SLC44A5: variants seen among roughly 807,000 people sequenced by gnomAD.
SLC44A5 encodes the protein solute carrier family 44 member 5, also known as choline transporter-like protein 5.
A neutral mutation model predicts 101.8 loss-of-function variants in SLC44A5; 57 were observed. That is an observed-to-expected ratio of 0.56 (90% CI 0.45 to 0.70). The LOEUF (loss-of-function observed/expected upper bound fraction) is 0.70, where lower values mean the gene tolerates loss of function less well. SLC44A5 is among the 30% of genes least tolerant of loss of function. The probability of loss-of-function intolerance (pLI) is 0.00; values close to 1 mark genes in which losing one functional copy is unlikely to be tolerated. For missense variants in SLC44A5, 737 were observed against 853.1 expected, an observed-to-expected ratio of 0.86 and a Z score of 1.70; for synonymous variants, 281 against 290.9, an observed-to-expected ratio of 0.97 and a Z score of 0.35.
At chr1:75,295,442 T>A (rs2100840275) in intron 5 of SLC44A5, among the ~76,000 whole-genome samples, 2 of 152,252 alleles carry the variant, frequency 1.3e-5, no homozygotes, top group South Asian at 4.1e-4. Context: ...CTCCCTGAGA[T>A]TTTAATTTAG....
intron 12 of SLC44A5, among the ~76,000 whole-genome samples, chr1:75,233,763 G>A (rs989905721): frequency 1.3e-5 from 2 of 152,118 alleles, no homozygotes; most frequent in African/African-American, 4.8e-5. Context: ...GTAGGGAAAA[G>A]AGTAAAATGT....
At chr1:75,407,321 G>C (rs1171152804) in intron 2 of SLC44A5, among the ~76,000 whole-genome samples, 3 of 152,162 alleles carry the variant, frequency 2.0e-5, no homozygotes, top group Non-Finnish European at 4.4e-5. Flanking sequence ...TCCCCATCAA[G>C]CTACCATTGA....
intron 1 of SLC44A5, among the ~76,000 whole-genome samples, chr1:75,599,324 A>G (rs889773413): frequency 6.6e-6 from 1 of 152,158 alleles, no homozygotes; most frequent in African/African-American, 2.4e-5. Flanking sequence ...TCAAGCATCA[A>G]TGTACAGGCT....
chr1:75,528,914 T>G (rs554842012), intron 2 of SLC44A5, among the ~76,000 whole-genome samples: 2 of 152,306 alleles, frequency 1.3e-5, no homozygotes. Flanking sequence ...TCATCTTTCA[T>G]GTAAATGCCT....
intron 5 of SLC44A5, among the ~76,000 whole-genome samples, chr1:75,295,463 A>T (rs1653892625): frequency 6.6e-6 from 1 of 152,234 alleles, no homozygotes; most frequent in African/African-American, 2.4e-5. Flanking sequence ...GATAGATCAG[A>T]TTGACTCTGA....
At chr1:75,265,596 A>C (rs915654530) in intron 6 of SLC44A5, among the ~76,000 whole-genome samples, 7 of 152,308 alleles carry the variant, frequency 4.6e-5, no homozygotes, top group Admixed American at 4.6e-4. Flanking sequence ...GAAATGATAA[A>C]TACTTAGGTG....
rs375438110 is a variant in SLC44A5, at chr1:75,219,249, G to T, written c.1266+8C>A. 75 of 1,577,984 alleles carry T rather than the reference G, an allele frequency of 4.8e-5. 1 individual carries two copies. In the African/African-American group the frequency reaches 9.6e-4, roughly 20 times the overall value. On this transcript the variant is annotated splice_region_variant and intron_variant, in intron 16 of 23. Transcript: ENST00000370859. ...AAGTAAGTAAATGAAAGAGTTTCTT[G>T]TACTTACCTCTGGGTCACAGGTTTG...
intron 4 of SLC44A5, among the ~76,000 whole-genome samples, chr1:75,325,604 G>GTACATTGT (rs1253441004): frequency 6.6e-6 from 1 of 152,060 alleles, no homozygotes. Flanking sequence ...TTTTTTTACA[G>GTACATTGT]TACATTGTTA....
At chr1:75,568,106 C>A (rs1012766045) in intron 1 of SLC44A5, among the ~76,000 whole-genome samples, 3 of 152,006 alleles carry the variant, frequency 2.0e-5, no homozygotes, top group African/African-American at 7.2e-5. Context: ...TACTTTTTTT[C>A]CATGCAAGAA....
At chr1:75,660,021 C>G in the SLC44A5 span, among the ~76,000 whole-genome samples, 1 of 151,990 alleles carries the variant, frequency 6.6e-6, no homozygotes, top group Admixed American at 6.6e-5. Flanking sequence ...CTGGGAAACA[C>G]GGTGAAGCCC....
chr1:75,353,767 A>G (rs1244683013), intron 3 of SLC44A5, among the ~76,000 whole-genome samples: 1 of 152,212 alleles, frequency 6.6e-6, no homozygotes, highest in Non-Finnish European at 1.5e-5. Context: ...GCAGAGAGAT[A>G]ATGATGACAA....
chr1:75,566,985 T>C (rs79124267), intron 1 of SLC44A5, among the ~76,000 whole-genome samples: 9,718 of 152,290 alleles, frequency 0.064, 447 homozygotes, highest in Non-Finnish European at 0.091. Flanking sequence ...CCCCCACTTT[T>C]ATCTGTTACA....
the SLC44A5 span, among the ~76,000 whole-genome samples, chr1:75,652,686 CA>C: frequency 2.0e-5 from 3 of 152,216 alleles, no homozygotes; most frequent in South Asian, 6.2e-4. Context: ...CGTAGCTACT[CA>C]GGAGGCTGAG....
chr1:75,537,686 TG>T (rs1450520403), intron 2 of SLC44A5, among the ~76,000 whole-genome samples: 1 of 152,228 alleles, frequency 6.6e-6, no homozygotes, highest in South Asian at 2.1e-4. Flanking sequence ...TTTCTGCCAT[TG>T]GGAATACAAG....
chr1:75,526,934 G>T (rs1441682571), intron 2 of SLC44A5, among the ~76,000 whole-genome samples: 1 of 152,030 alleles, frequency 6.6e-6, no homozygotes, highest in Non-Finnish European at 1.5e-5. Flanking sequence ...AGGAGTTCGA[G>T]ACCAGCCTGG....
chr1:75,318,524 T>C (rs1655890851), intron 4 of SLC44A5, among the ~76,000 whole-genome samples: 1 of 152,230 alleles, frequency 6.6e-6, no homozygotes, highest in Non-Finnish European at 1.5e-5. Context: ...TGATCTGCTT[T>C]ATTTTATGCA....
chr1:75,209,345 C>G (rs1054081600), intron 23 of SLC44A5, among the ~76,000 whole-genome samples: 1 of 152,180 alleles, frequency 6.6e-6, no homozygotes, highest in African/African-American at 2.4e-5. Flanking sequence ...TGGGGAAGGT[C>G]ACATAGTGAT....
At chr1:75,553,707 GAGAA>G (rs1272024370) in intron 1 of SLC44A5, among the ~76,000 whole-genome samples, 1 of 152,178 alleles carries the variant, frequency 6.6e-6, no homozygotes, top group Admixed American at 6.6e-5. Context: ...TAACCTCTTA[GAGAA>G]AGAAAGTATG....
At chr1:75,295,185 T>C (rs1224202124) in intron 5 of SLC44A5, among the ~76,000 whole-genome samples, 1 of 148,724 alleles carries the variant, frequency 6.7e-6, no homozygotes, top group African/African-American at 2.4e-5. Flanking sequence ...TCATAGCTCA[T>C]AAAGCTAAAA....
Sources: allele counts gnomAD v4.1 joint callset (sites outside exome capture counted in the v4.1 genomes callset), GRCh38; gene constraint gnomAD v4.1.1; transcripts MANE v1.5; gene names NCBI Gene and HGNC (gene_info 2026-07-23, HGNC 2026-07-21).